The following MST1 variants were observed in gnomAD, a reference collection of about 807,000 sequenced individuals.
The protein encoded by MST1 is hepatocyte growth factor-like protein.
MST1 carries 76 observed loss-of-function variants against 100.1 expected under a neutral mutation model. The ratio of observed to expected loss-of-function variants is 0.76; its 90% CI spans 0.63 to 0.92. MST1 has a LOEUF of 0.92. Ranked by LOEUF, MST1 falls within the 40% of genes least tolerant of loss-of-function variation. The pLI, the probability that MST1 is intolerant of heterozygous loss-of-function variation, is 0.00. For synonymous variants in MST1, 352 were observed against 385.4 expected (o/e 0.91, Z 1.01); for missense variants, 850 against 990.0 (o/e 0.86, Z 1.90).
At position 49,688,793 on chromosome 3, in the gene MST1, C is replaced by G. The variant is rs947687316; in HGVS notation, c.-102G>C. 1 of 868,098 alleles carries G rather than the reference C, an allele frequency of 1.2e-6. No homozygotes were observed. The highest frequency in any genetic ancestry group is 1.8e-6 in the Non-Finnish European group (1 of 562,352). 53.8% of individuals were successfully genotyped at this position (868,098 alleles called of 1,614,324 possible). On this transcript the variant is annotated 5_prime_UTR_variant, in exon 1 of 18. Coordinates refer to ENST00000449682, the MANE Select transcript of MST1 (RefSeq NM_020998.4). Reference sequence around the variant, plus strand: ...CTGACCTGAGACCTGGTGACAGGAGCCATGAGGGGCCAGGCCTCAGGTCCC... The same window carrying G: ...CTGACCTGAGACCTGGTGACAGGAGGCATGAGGGGCCAGGCCTCAGGTCCC...
chr3:49,687,504 C>A (rs752007592), intron 3 of MST1, 26 bp from the exon 4 acceptor site: 7 of 1,613,474 alleles, frequency 4.3e-6, no homozygotes, highest in South Asian at 1.1e-5. Flanking sequence ...AGAAGATCAA[C>A]TTGGGCTGAG....
chr3:49,686,840 C>T, intron 6 of MST1, 38 bp from the exon 7 acceptor site: 1 of 1,612,598 alleles, frequency 6.2e-7, no homozygotes, highest in Non-Finnish European at 8.5e-7. Flanking sequence ...GACCCTGGGA[C>T]TCTGGCTTAT....
Position 49,684,407 on chromosome 3 carries a change from G to A in MST1, c.1923C>T (p.Ile641=), listed in dbSNP as rs1267704879. The stretch of plus-strand genomic sequence containing the variant: ...GCTTGATGTTACACTCCTGGTTGGA[G>A]ATGACATTCAGCAAGGCCACATTTA... ...TVLNVALLNV[I]SNQECNIKHR... Residue 641 remains isoleucine, a synonymous_variant, in exon 17 of 18, where the codon ATC becomes ATT. Transcript: ENST00000449682. 6.2e-7 allele frequency: 1 copy of A among 1,613,432 alleles called. No individual in the cohort carries two copies. Among genetic ancestry groups the A allele is most frequent in the South Asian group, 1.1e-5 (1 of 91,078 alleles).
Position 49,687,188 on chromosome 3 carries a change from C to T in MST1, c.568G>A (p.Val190Met). The T allele has an allele frequency of 1.2e-6, 2 of 1,613,338 alleles. No homozygotes were observed. The highest frequency in any genetic ancestry group is 1.1e-5 in the South Asian group (1 of 91,080). Reference protein sequence around the residue: ...GPWCYTTDPAVRFQSCGIKSC... With the variant: ...GPWCYTTDPAMRFQSCGIKSC... ...TTGATGCCGCAGCTCTGGAAGCGCA[C>T]AGCAGGGTCTGTTGTGTAGCACCAA... Residue 190 changes from valine (V) to methionine (M), a missense_variant, in exon 5 of 18, where the codon GTG (valine) becomes ATG (methionine). Coordinates refer to ENST00000449682, the MANE Select transcript of MST1 (RefSeq NM_020998.4).
rs781231088 is a variant in MST1 at position 49,686,809 on chromosome 3, G to T, written c.729-7C>A. On this transcript the variant is annotated splice_region_variant and splice_polypyrimidine_tract_variant and intron_variant, in intron 6 of 17. Transcript: ENST00000449682. Reference sequence around the variant, plus strand: ...CAGACCTTGGTCGAGGAACCTGGGGGCGGTAATGGGGCGTGAACAAGACCC... The same window carrying T: ...CAGACCTTGGTCGAGGAACCTGGGGTCGGTAATGGGGCGTGAACAAGACCC... The T allele has an allele frequency of 6.8e-6, 11 of 1,612,428 alleles. No homozygotes were observed. Among genetic ancestry groups the T allele is most frequent in the Non-Finnish European group, 8.5e-7 (1 of 1,179,810 alleles).
chr3:49,685,834 C>T (rs770007149), intron 10 of MST1, 26 bp downstream of exon 10: 2 of 1,612,008 alleles, frequency 1.2e-6, no homozygotes, highest in Middle Eastern at 1.7e-4. Flanking sequence ...AGGGCCCTGG[C>T]GGGGCCGGGA....
rs1213452454 is a variant in MST1 at position 49,688,903 on chromosome 3, G to A, written c.-212C>T. 1.5e-5 allele frequency: 7 copies of A among 453,026 alleles called. No homozygotes were observed. In the South Asian group the frequency reaches 2.3e-4, roughly 15 times the overall value. The allele number at this position is 453,026 out of a possible 1,614,324, so 28.1% of individuals were successfully genotyped here. A position where few individuals can be genotyped will look rare whatever the true frequency, so the allele number is the denominator to read the frequency against. ...GGGACACTTGAGGTGCCCTGGGGTT[G>A]GGGTGAAACCCCTCTGCAGCCTAGT... On this transcript the variant is annotated 5_prime_UTR_variant, in exon 1 of 18. Transcript: ENST00000449682.
rs568019355 is a variant in MST1, at chr3:49,686,092, G to A, written c.1117C>T (p.Arg373Trp). The change falls in exon 9 of 18, where the codon CGG becomes TGG. Residue 373 changes from arginine to tryptophan, a missense_variant. This residue lies in a region of MST1 where 816 missense variants were observed against 924.6 expected (regional missense o/e 0.88). Transcript: ENST00000449682. Reference sequence around the variant, plus strand: ...GGCCGCACGTCGTCTGTACAACGCCGGATCTGGTAGCAAAAGGCCGCGCGC... The same window carrying A: ...GGCCGCACGTCGTCTGTACAACGCCAGATCTGGTAGCAAAAGGCCGCGCGC... ...GMRAAFCYQI[R>W]RCTDDVRPQD... 9 of 1,610,694 alleles carry A rather than the reference G, an allele frequency of 5.6e-6. No homozygotes were observed. The African/African-American group carries it at 9.3e-5, about 17-fold the overall frequency.
intron 1 of MST1, 168 bp from the exon 2 acceptor site, chr3:49,688,065 G>GA: frequency 1.7e-6 from 2 of 1,154,908 alleles, no homozygotes; most frequent in Non-Finnish European, 2.4e-6. Flanking sequence ...AGATACTTGT[G>GA]AAAAAAATTT....
rs369252300 is a variant in MST1, at chr3:49,684,805, G to A, written c.1702C>T (p.Arg568Trp). Reference sequence around the variant, plus strand: ...CACACCATCTTGGCTACTGGGACCCGCTGTAGGCTTGGCTCTCCATGCTGT... The same window carrying A: ...CACACCATCTTGGCTACTGGGACCCACTGTAGGCTTGGCTCTCCATGCTGT... ...NPQHGEPSLQ[R>W]VPVAKMVCGP... Residue 568 changes from arginine to tryptophan, a missense_variant, in exon 15 of 18, where the codon CGG becomes TGG. Transcript: ENST00000449682. 7.4e-6 allele frequency: 12 copies of A among 1,613,368 alleles called. No homozygotes were observed. Among genetic ancestry groups the A allele is most frequent in the Admixed American group, 3.3e-5 (2 of 59,998 alleles).
chr3:49,684,823 C>T lies in MST1; in HGVS notation c.1684G>A (p.Gly562Arg), dbSNP rs2053558773. 6.2e-7 allele frequency: 1 copy of T among 1,613,498 alleles called. No individual in the cohort carries two copies. Among genetic ancestry groups the T allele is most frequent in the South Asian group, 1.1e-5 (1 of 91,080 alleles). Residue 562 changes from glycine to arginine, a missense_variant, in exon 15 of 18, where the codon GGA (glycine) becomes AGA (arginine). Gly to Arg is a moderately radical substitution (Grantham distance 125). Coordinates refer to ENST00000449682, the MANE Select transcript of MST1 (RefSeq NM_020998.4). ...GGGACCCGCTGTAGGCTTGGCTCTC[C>T]ATGCTGTGGGTTCTGGAACAGGGTG... is the stretch of plus-strand genomic sequence containing the variant. ...LGTLFQNPQH[G>R]EPSLQRVPVA...
In MST1 at chr3:49,688,746, T is replaced by G; in HGVS notation, c.-55A>C. The G allele has an allele frequency of 3.5e-6, 5 of 1,435,254 alleles. No homozygotes were observed. Among genetic ancestry groups the G allele is most frequent in the Non-Finnish European group, 4.8e-6 (5 of 1,047,970 alleles). 88.9% of individuals were successfully genotyped at this position (1,435,254 alleles called of 1,614,324 possible). A position where few individuals can be genotyped will look rare whatever the true frequency, so the allele number is the denominator to read the frequency against. On this transcript the variant is annotated 5_prime_UTR_variant, in exon 1 of 18. It removes the in-frame stop codon of an upstream open reading frame in the 5' UTR. Transcript: ENST00000449682. ...GATTGGGTGGCTCTGGCTCCACACG[T>G]CAGCTCAGGGCCTGCTGGACCCTGA... is the stretch of plus-strand genomic sequence containing the variant.
rs2053705047 is a variant in MST1 at position 49,686,056 on chromosome 3, C to T, written c.1147+6G>A. 2 of 1,609,144 alleles carry T rather than the reference C, an allele frequency of 1.2e-6. No individual in the cohort carries two copies. Among genetic ancestry groups the T allele is most frequent in the African/African-American group, 1.3e-5 (1 of 74,928 alleles). ...CGGCTCTGTAGCCCCCAAGCTTGGG[C>T]CTCACCCTGGGGCCGCACGTCGTCT... is the stretch of plus-strand genomic sequence containing the variant. On this transcript the variant is annotated splice_donor_region_variant and intron_variant, in intron 9 of 17. Coordinates refer to ENST00000449682, the MANE Select transcript of MST1 (RefSeq NM_020998.4).
chr3:49,687,001 T>C lies in MST1; in HGVS notation c.674A>G (p.Glu225Gly). 1 of 1,611,344 alleles carries C rather than the reference T, an allele frequency of 6.2e-7. No homozygotes were observed. The highest frequency in any genetic ancestry group is 8.5e-7 in the Non-Finnish European group (1 of 1,179,796). Reference sequence around the variant, plus strand: ...GTGCTGAAGATCCCAGCGCTGGCACTCGCGCCCTGACTCCGTGCGGTCTAC... The same window carrying C: ...GTGCTGAAGATCCCAGCGCTGGCACCCGCGCCCTGACTCCGTGCGGTCTAC... ...GAVDRTESGR[E>G]CQRWDLQHPH... Residue 225 changes from glutamate to glycine, a missense_variant, in exon 6 of 18, where the codon GAG becomes GGG. Glu to Gly is a moderately conservative substitution (Grantham distance 98, BLOSUM62 -2). Transcript: ENST00000449682.
At chr3:49,688,475 G>A (rs76705346) in intron 1 of MST1, 123 bp downstream of exon 1, 2 of 670,042 alleles carry the variant, frequency 3.0e-6, no homozygotes, top group Non-Finnish European at 4.6e-6. Flanking sequence ...GCTCAAGAGG[G>A]CAAGGTCACT....
Position 49,685,732 on chromosome 3 carries a change from C to T in MST1, c.1251G>A (p.Gln417=), listed in dbSNP as rs1165982854. 6.2e-7 allele frequency: 1 copy of T among 1,613,178 alleles called. No homozygotes were observed. Among genetic ancestry groups the T allele is most frequent in the Admixed American group, 1.7e-5 (1 of 60,012 alleles). Residue 417 remains glutamine (Q), a splice_region_variant and synonymous_variant, in exon 11 of 18, where the codon CAG becomes CAA. Transcript: ENST00000449682. ...RWSAETPHKP[Q]FTFTSEPHAQ... Reference sequence around the variant, plus strand: ...CATGCGGTTCGGAGGTAAACGTGAACCTAGGCGGAAGCGGGAGCAAAATCG... The same window carrying T: ...CATGCGGTTCGGAGGTAAACGTGAATCTAGGCGGAAGCGGGAGCAAAATCG...
In MST1 at chr3:49,684,592, G is replaced by A. The variant is rs1450726900; in HGVS notation, c.1834C>T (p.Pro612Ser). Residue 612 changes from proline to serine, a missense_variant, in exon 16 of 18, where the codon CCA becomes TCA. Physicochemically the swap from Pro to Ser is moderately conservative, Grantham distance 74. Transcript: ENST00000449682. ...CCTGCAATCTCACACTTGGTCCCTG[G>A]AGGCACCACATACCATTCAGGGGGC... ...CLPPEWYVVP[P>S]GTKCEIAGWG... 12 of 1,613,676 alleles carry A rather than the reference G, an allele frequency of 7.4e-6. No individual in the cohort carries two copies. The highest frequency in any genetic ancestry group is 2.2e-5 in the East Asian group (1 of 44,900).
At position 49,685,331 on chromosome 3, in the gene MST1, C is replaced by A; in HGVS notation, c.1475G>T (p.Arg492Leu). 6.2e-7 allele frequency: 1 copy of A among 1,613,390 alleles called. No individual in the cohort carries two copies. The highest frequency in any genetic ancestry group is 8.5e-7 in the Non-Finnish European group (1 of 1,179,856). The change falls in exon 13 of 18, where the codon CGG becomes CTG. Residue 492 changes from arginine (R) to leucine (L), a missense_variant. Arg to Leu is a moderately radical substitution (Grantham distance 102). Coordinates refer to ENST00000449682, the MANE Select transcript of MST1 (RefSeq NM_020998.4). ...CCCAACCACGCGCAGCTTGGAACGC[C>A]GCTGATCCAGCCGATCCACCCTCTT... Reference protein sequence around the residue: ...CGKRVDRLDQRRSKLRVVGGH... With the variant: ...CGKRVDRLDQLRSKLRVVGGH...
chr3:49,684,470 G>C lies in MST1; in HGVS notation c.1877-17C>G, dbSNP rs776285969. 2 of 1,613,524 alleles carry C rather than the reference G, an allele frequency of 1.2e-6. No individual in the cohort carries two copies. The highest frequency in any genetic ancestry group is 1.1e-5 in the South Asian group (1 of 91,070). On this transcript the variant is annotated splice_polypyrimidine_tract_variant and intron_variant, in intron 16 of 17. Transcript: ENST00000449682. ...TACCCGTACCTGCAGTGAGGGGAAT[G>C]GGGAGAGGGAGAGGGTCCTGCAGGA...
Sources: gnomAD v4.1 joint callset for allele counts on GRCh38, gnomAD v4.1.1 for gene constraint, gnomAD v4.1.1 regional missense constraint, MANE v1.5 for transcripts, NCBI Gene and HGNC (gene_info 2026-07-23, HGNC 2026-07-21) for gene names.